The following CFAP91 variants were observed in gnomAD, a reference collection of about 807,000 sequenced individuals.
CFAP91 encodes cilia and flagella associated protein 91.
Under a neutral mutation model 95.9 loss-of-function variants are expected in CFAP91, and 85 were observed. The ratio of observed to expected loss-of-function variants is 0.89; its 90% confidence interval spans 0.74 to 1.06. CFAP91 has a LOEUF of 1.06. Ranked by LOEUF, CFAP91 falls within the 50% of genes least tolerant of loss-of-function variation. CFAP91 has a pLI of 0.00. For missense variants in CFAP91, 962 were observed against 943.4 expected (o/e 1.02, Z -0.26); for synonymous variants, 335 against 327.5 (o/e 1.02, Z -0.25).
At chr3:119,709,684 G>T (rs577636597) in intron 4 of CFAP91, among the ~76,000 whole-genome samples, 155 bp from the exon 5 acceptor site, 1 of 152,282 alleles carries the variant, frequency 6.6e-6, no homozygotes, top group Admixed American at 6.5e-5. Context: ...TCCCCACCCT[G>T]CAGTGATTTT....
intron 17 of CFAP91, among the ~76,000 whole-genome samples, chr3:119,763,632 A>G (rs958897134): frequency 7.2e-5 from 11 of 151,800 alleles, no homozygotes; most frequent in African/African-American, 2.7e-4. Context: ...AAAAAAAAAG[A>G]AGGAAATCCT....
At chr3:119,728,587 G>A (rs1040947659) in intron 7 of CFAP91, among the ~76,000 whole-genome samples, 18 of 152,162 alleles carry the variant, frequency 1.2e-4, no homozygotes, top group Non-Finnish European at 1.0e-4. Context: ...TGACTGGGGT[G>A]TGTGGCTTAG....
chr3:119,755,857 C>G (rs1251790865), intron 17 of CFAP91, among the ~76,000 whole-genome samples: 1 of 152,122 alleles, frequency 6.6e-6, no homozygotes, highest in African/African-American at 2.4e-5. Flanking sequence ...CAGTGAATCT[C>G]TCCTGAGAGA....
intron 17 of CFAP91, among the ~76,000 whole-genome samples, chr3:119,752,839 A>T (rs190036502): frequency 3.3e-4 from 50 of 152,296 alleles, no homozygotes; most frequent in African/African-American, 1.1e-3. Context: ...ATCTAGTTGC[A>T]GAAAAGTCTA....
At position 119,722,907 on chromosome 3, in the gene CFAP91, A is replaced by G. The variant is rs533072518; in HGVS notation, c.683-3264A>G. 1.2e-4 allele frequency among the ~76,000 whole-genome samples: 18 copies of G among 150,716 alleles called. No homozygotes were observed. In the East Asian group the frequency reaches 3.1e-3, roughly 26 times the overall value. Reference sequence around the variant, plus strand: ...TAAATTATTCTTTAAGCACATAAACAAAGATTTGGTGAAAAGAGAGAAAAT... The same window carrying G: ...TAAATTATTCTTTAAGCACATAAACGAAGATTTGGTGAAAAGAGAGAAAAT... On this transcript the variant is annotated intron_variant, in intron 6 of 17. Coordinates refer to ENST00000273390, the MANE Select transcript of CFAP91 (RefSeq NM_033364.4).
intron 6 of CFAP91, among the ~76,000 whole-genome samples, chr3:119,723,853 C>T (rs2053729976): frequency 6.6e-6 from 1 of 152,066 alleles, no homozygotes; most frequent in Admixed American, 6.6e-5. Context: ...TAGAAAAGTG[C>T]TTGGCATAAT....
intron 6 of CFAP91, among the ~76,000 whole-genome samples, chr3:119,722,771 G>C (rs562132358): frequency 6.6e-6 from 1 of 152,228 alleles, no homozygotes; most frequent in South Asian, 2.1e-4. Context: ...TGGGATTACA[G>C]GTGAGCCACC....
chr3:119,740,969 T>C (rs9865259), intron 13 of CFAP91, among the ~76,000 whole-genome samples: 2,503 of 152,070 alleles, frequency 0.016, 62 homozygotes, highest in African/African-American at 0.057. Context: ...ATTCTCCTGC[T>C]TCAGTCTCCC....
rs866004781 is a variant in CFAP91 at position 119,703,138 on chromosome 3, C to T, written c.40C>T (p.Pro14Ser). 3.8e-6 allele frequency: 6 copies of T among 1,583,876 alleles called. No individual in the cohort carries two copies. In the African/African-American group the frequency reaches 4.0e-5, roughly 11 times the overall value. Reference protein sequence around the residue: ...AVTIEEPQAQPQVSQTRYRER... With the variant: ...AVTIEEPQAQSQVSQTRYRER... ...AACCATCGAGGAGCCCCAGGCCCAGCCGCAGGTGTCTCAAACTCGGTACCG... is the reference window on the plus strand; with the variant it reads ...AACCATCGAGGAGCCCCAGGCCCAGTCGCAGGTGTCTCAAACTCGGTACCG... The change falls in exon 1 of 18, where the codon CCG becomes TCG. Residue 14 changes from proline to serine, a missense_variant. Coordinates refer to ENST00000273390, the MANE Select transcript of CFAP91 (RefSeq NM_033364.4).
At chr3:119,734,710 A>C (rs1200695556) in intron 10 of CFAP91, among the ~76,000 whole-genome samples, 2 of 152,178 alleles carry the variant, frequency 1.3e-5, no homozygotes, top group East Asian at 3.8e-4. Flanking sequence ...TTCTACATTC[A>C]TGAGTGAAAT....
intron 5 of CFAP91, 35 bp downstream of exon 5, chr3:119,709,930 T>G (rs773080088): frequency 6.8e-7 from 1 of 1,477,302 alleles, no homozygotes; most frequent in Non-Finnish European, 9.4e-7. Context: ...CTTTTTCAGT[T>G]TATTTATTGT....
At position 119,725,991 on chromosome 3, in the gene CFAP91, G is replaced by A. The variant is rs542136127; in HGVS notation, c.683-180G>A. On this transcript the variant is annotated intron_variant, in intron 6 of 17. Transcript: ENST00000273390. ...ACGGCTCAATTACTAGCAAGAGGCA[G>A]TGGGGCACAGATAACACAAGCTGTG... Among the ~76,000 whole-genome samples, 31 of 152,320 alleles carry A rather than the reference G, an allele frequency of 2.0e-4. No homozygotes were observed. The South Asian group carries it at 5.4e-3, about 26-fold the overall frequency.
Position 119,751,093 on chromosome 3 carries a change from G to A in CFAP91, c.2300G>A (p.Ser767Asn). 1 of 1,593,998 alleles carries A rather than the reference G, an allele frequency of 6.3e-7. No homozygotes were observed. The highest frequency in any genetic ancestry group is 8.5e-7 in the Non-Finnish European group (1 of 1,172,254). The stretch of plus-strand genomic sequence containing the variant: ...AAAGAAACTCAAAATGAGAACAACA[G>A]CTAAGGTGAGTTTGATTTTCCACCA... Reference protein sequence around the residue: ...LEKETQNENNS With the variant: ...LEKETQNENNN Residue 767 changes from serine to asparagine, a missense_variant, in exon 17 of 18, where the codon AGC becomes AAC. Transcript: ENST00000273390.
intron 8 of CFAP91, among the ~76,000 whole-genome samples, chr3:119,730,601 AGTGT>A (rs60453079): frequency 0.2 from 27,646 of 136,832 alleles, 2,835 homozygotes; most frequent in Non-Finnish European, 0.22. Flanking sequence ...TTACTGAGAT[AGTGT>A]GTGTGTGTGT....
intron 10 of CFAP91, among the ~76,000 whole-genome samples, chr3:119,735,215 T>C (rs1249415817): frequency 5.9e-5 from 9 of 152,170 alleles, no homozygotes. Context: ...CTTTTGATTT[T>C]GTTGATTTTC....
At position 119,744,027 on chromosome 3, in the gene CFAP91, A is replaced by C. The variant is rs1409808212; in HGVS notation, c.1733A>C (p.Asp578Ala). ...LAGLEGRALA[D>A]MFDFLSKELV... ...GGACTGGAAGGAAGGGCACTAGCAG[A>C]CATGTTTGACTTCCTGTCCAAAGAG... The change falls in exon 14 of 18, where the codon GAC (aspartate) becomes GCC (alanine). Residue 578 changes from aspartate to alanine, a missense_variant. Coordinates refer to ENST00000273390, the MANE Select transcript of CFAP91 (RefSeq NM_033364.4). 1 of 1,614,128 alleles carries C rather than the reference A, an allele frequency of 6.2e-7. No homozygotes were observed. Among genetic ancestry groups the C allele is most frequent in the Admixed American group, 1.7e-5 (1 of 60,026 alleles).
intron 5 of CFAP91, among the ~76,000 whole-genome samples, chr3:119,711,833 A>G (rs1285302983): frequency 6.6e-6 from 1 of 152,254 alleles, no homozygotes; most frequent in East Asian, 1.9e-4. Context: ...TAAAAAGTTA[A>G]TACTTTTAAA....
chr3:119,713,457 C>T (rs187599371), intron 5 of CFAP91, among the ~76,000 whole-genome samples: 2 of 149,532 alleles, frequency 1.3e-5, no homozygotes, highest in Admixed American at 6.7e-5. Flanking sequence ...TATGTATTTG[C>T]TGTGCTCGTA....
At chr3:119,761,224 C>T (rs2054532525) in intron 17 of CFAP91, among the ~76,000 whole-genome samples, 1 of 151,644 alleles carries the variant, frequency 6.6e-6, no homozygotes, top group African/African-American at 2.4e-5. Flanking sequence ...GATAAGACTA[C>T]TATAAACAAT....
Sources: gnomAD v4.1 joint callset for allele counts (sites outside exome capture counted in the v4.1 genomes callset) on GRCh38, gnomAD v4.1.1 for gene constraint, MANE v1.5 for transcripts, NCBI Gene and HGNC (gene_info 2026-07-23, HGNC 2026-07-21) for gene names.